MBOAT7: variants seen among roughly 807,000 people sequenced by gnomAD.
MBOAT7 encodes the protein membrane-bound acylglycerophosphatidylinositol O-acyltransferase MBOAT7.
Under a neutral mutation model 47.4 loss-of-function variants are expected in MBOAT7, and 40 were observed. The ratio of observed to expected loss-of-function variants is 0.84; its 90% confidence interval spans 0.66 to 1.10. The LOEUF (loss-of-function observed/expected upper bound fraction) is 1.10, where lower values mean the gene tolerates loss of function less well. MBOAT7 is among the 50% of genes least tolerant of loss of function. MBOAT7 has a pLI of 0.00. For synonymous variants in MBOAT7, 361 were observed against 292.0 expected, an observed-to-expected ratio of 1.24 and a Z score of -2.41; for missense variants, 680 against 655.6, an observed-to-expected ratio of 1.04 and a Z score of -0.41.
At chr19:54,183,338 A>G (rs2076338223) in intron 5 of MBOAT7, among the ~76,000 whole-genome samples, 183 bp downstream of exon 5, 1 of 152,186 alleles carries the variant, frequency 6.6e-6, no homozygotes, top group African/African-American at 2.4e-5. Context: ...GCCAGCTTCT[A>G]CCCCAAAGCA....
intron 3 of MBOAT7, among the ~76,000 whole-genome samples, 178 bp downstream of exon 3, chr19:54,188,015 CAGAAAGAAAGAAAGAAAGAAAGAA>C (rs374807150): frequency 2.6e-5 from 2 of 78,328 alleles, no homozygotes; most frequent in African/African-American, 5.3e-5. Flanking sequence ...AACTCCATCT[CAGAAAGAAAGAAAGAAAGAAAGAA>C]AGAAAGAAAG....
intron 1 of MBOAT7, 63 bp from the exon 2 acceptor site, chr19:54,188,574 C>T: frequency 6.7e-7 from 1 of 1,482,756 alleles, no homozygotes; most frequent in African/African-American, 1.4e-5. Flanking sequence ...CCTCCTCCCT[C>T]TTCGAGGATC....
chr19:54,175,125 G>C (rs181748334), intron 7 of MBOAT7, among the ~76,000 whole-genome samples: 1 of 151,898 alleles, frequency 6.6e-6, no homozygotes, highest in African/African-American at 2.4e-5. Flanking sequence ...ACAGGCGCCT[G>C]CCACCACGCC....
chr19:54,178,661 G>A (rs552090848), intron 7 of MBOAT7, 104 bp downstream of exon 7: 2 of 1,494,980 alleles, frequency 1.3e-6, no homozygotes, highest in East Asian at 2.4e-5. Flanking sequence ...ATTCCCATGA[G>A]CCTCCGGGGG....
chr19:54,175,859 G>A (rs946284752), intron 7 of MBOAT7, among the ~76,000 whole-genome samples: 1 of 152,196 alleles, frequency 6.6e-6, no homozygotes, highest in Non-Finnish European at 1.5e-5. Context: ...CGAGCAGCTG[G>A]GACTACAGGT....
chr19:54,183,695 G>A lies in MBOAT7; in HGVS notation c.334-15C>T. The A allele has an allele frequency of 1.3e-6, 2 of 1,532,558 alleles. No individual in the cohort carries two copies. The highest frequency in any genetic ancestry group is 1.8e-6 in the Non-Finnish European group (2 of 1,141,004). 94.9% of individuals were successfully genotyped at this position (1,532,558 alleles called of 1,614,324 possible). A position where few individuals can be genotyped will look rare whatever the true frequency, so the allele number is the denominator to read the frequency against. On this transcript the variant is annotated splice_polypyrimidine_tract_variant and intron_variant, in intron 4 of 7. Transcript: ENST00000245615. ...AGGCTCACCAGCTGGGCAGAAGGGG[G>A]TGGGCAAGGGGCCAGGTCAGACTCT... is the stretch of plus-strand genomic sequence containing the variant.
chr19:54,188,067 AAGAC>A (rs1271790018), intron 3 of MBOAT7, 146 bp downstream of exon 3: 19,481 of 229,820 alleles, frequency 0.085, 3,782 homozygotes, highest in Admixed American at 0.1. Context: ...GAAAGAAAGA[AAGAC>A]AAACAAACAA....
intron 4 of MBOAT7, among the ~76,000 whole-genome samples, chr19:54,184,904 CAAA>C (rs71195748): frequency 3.4e-5 from 3 of 88,404 alleles, no homozygotes; most frequent in African/African-American, 8.0e-5. Flanking sequence ...AACTCCGTCT[CAAA>C]AAAAAAAAAA....
intron 7 of MBOAT7, among the ~76,000 whole-genome samples, 186 bp from the exon 8 acceptor site, chr19:54,174,617 C>A (rs1245371309): frequency 6.6e-6 from 1 of 150,934 alleles, no homozygotes; most frequent in African/African-American, 2.4e-5. Context: ...GGAGATCAGG[C>A]CCCAGTCCCT....
rs748238566 is a variant in MBOAT7, at chr19:54,178,861, C to G, written c.935G>C (p.Arg312Pro). The G allele has an allele frequency of 1.5e-5, 24 of 1,613,556 alleles. No homozygotes were observed. The highest frequency in any genetic ancestry group is 2.0e-5 in the Non-Finnish European group (24 of 1,180,040). Residue 312 changes from arginine to proline, a missense_variant, in exon 7 of 8, where the codon CGG becomes CCG. Transcript: ENST00000245615. Reference protein sequence around the residue: ...IDCYSTDFCVRVRDGMRYWNM... With the variant: ...IDCYSTDFCVPVRDGMRYWNM... ...CCAGTACCGCATGCCATCGCGCACC[C>G]GCACGCAGAAATCTGTGCTGTAGCA...
intron 7 of MBOAT7, among the ~76,000 whole-genome samples, chr19:54,177,906 T>TTTTG (rs2076154932): frequency 1.8e-5 from 1 of 56,820 alleles, no homozygotes; most frequent in African/African-American, 5.6e-5. Context: ...TTCTGTTTTT[T>TTTTG]TTTTTTTTTT....
chr19:54,188,203 C>T lies in MBOAT7; in HGVS notation c.206+14G>A, dbSNP rs554338927. 17 of 1,589,816 alleles carry T rather than the reference C, an allele frequency of 1.1e-5. No individual in the cohort carries two copies. In the South Asian group the frequency reaches 1.8e-4, roughly 17 times the overall value. On this transcript the variant is annotated intron_variant, in intron 3 of 7. Transcript: ENST00000245615. ...TCCCCTCCTCTCCCTCTCCTCCCTC[C>T]ACCAAATTCTCACCAGGGCTGGGCC...
chr19:54,186,855 A>G (rs938489596), intron 4 of MBOAT7: 4 of 396,264 alleles, frequency 1.0e-5, no homozygotes, highest in African/African-American at 2.0e-5. Flanking sequence ...AGCTGGCTAC[A>G]GAGATTCAAG....
rs761991460 is a variant in MBOAT7, at chr19:54,174,303, AGCCGCCCCC to A, written c.1151_1159del (p.Arg384_Arg386del). On this transcript the variant is annotated inframe_deletion, in exon 8 of 8. Coordinates refer to ENST00000245615, the MANE Select transcript of MBOAT7 (RefSeq NM_024298.5). ...CCAGGCCTTCTGGCCCCCTGGGCTC[AGCCGCCCCC>A]GCAGGGCTGACTCCAGCCGGCCCTC... The A allele has an allele frequency of 1.2e-6, 2 of 1,613,138 alleles. No individual in the cohort carries two copies. Among genetic ancestry groups the A allele is most frequent in the Non-Finnish European group, 1.7e-6 (2 of 1,179,484 alleles).
At chr19:54,184,080 A>T (rs8113485) in intron 4 of MBOAT7, among the ~76,000 whole-genome samples, 108,819 of 150,376 alleles carry the variant, frequency 0.72, 39,378 homozygotes, top group Admixed American at 0.77. Context: ...TTCTAGTGTC[A>T]CCCCTCAAAC....
chr19:54,186,868 C>A (rs974486871), intron 4 of MBOAT7: 23 of 435,442 alleles, frequency 5.3e-5, no homozygotes, highest in Non-Finnish European at 9.1e-5. Context: ...GATTCAAGGA[C>A]AGCATGTTGG....
In MBOAT7 at chr19:54,188,240, C is replaced by T. The variant is rs1221612014; in HGVS notation, c.183G>A (p.Trp61Ter). Residue 61 changes from tryptophan (W) to a stop codon, truncating the protein, a stop_gained, in exon 3 of 8, where the codon TGG becomes TGA. Coordinates refer to ENST00000245615, the MANE Select transcript of MBOAT7 (RefSeq NM_024298.5). LOFTEE classifies it high-confidence loss of function. ...LHSLVTILGT[W>*]ALIQAQPCSC... ...ACCAGGGCTGGGCCTGAATGAGGGC[C>T]CAGGTCCCGAGGATGGTGACCAGAG... 1 of 1,613,282 alleles carries T rather than the reference C, an allele frequency of 6.2e-7. No homozygotes were observed. The highest frequency in any genetic ancestry group is 1.7e-5 in the Admixed American group (1 of 59,872).
chr19:54,173,984 G>A lies in MBOAT7; in HGVS notation c.*60C>T, dbSNP rs1186569444. On this transcript the variant is annotated 3_prime_UTR_variant, in exon 8 of 8. Transcript: ENST00000245615. ...AGGTAAGGACTCTTTCTGGGGAGGAGACAGCAGCCTGGTTCACAGAATTCC... is the reference window on the plus strand; with the variant it reads ...AGGTAAGGACTCTTTCTGGGGAGGAAACAGCAGCCTGGTTCACAGAATTCC... 3 of 1,506,576 alleles carry A rather than the reference G, an allele frequency of 2.0e-6. No homozygotes were observed. Among genetic ancestry groups the A allele is most frequent in the Non-Finnish European group, 2.7e-6 (3 of 1,129,348 alleles). The allele number at this position is 1,506,576 out of a possible 1,614,324, so 93.3% of individuals were successfully genotyped here. A position where few individuals can be genotyped will look rare whatever the true frequency, so the allele number is the denominator to read the frequency against.
intron 3 of MBOAT7, 58 bp from the exon 4 acceptor site, chr19:54,187,345 C>G (rs1209951420): frequency 2.6e-6 from 4 of 1,516,362 alleles, no homozygotes; most frequent in Middle Eastern, 1.8e-4. Context: ...CTTGGCCACT[C>G]ACTCCACGAG....
Sources: gnomAD v4.1 joint callset for allele counts (sites outside exome capture counted in the v4.1 genomes callset) on GRCh38, gnomAD v4.1.1 for gene constraint, MANE v1.5 for transcripts, NCBI Gene and HGNC (gene_info 2026-07-23, HGNC 2026-07-21) for gene names.